Variants in CREB1 observed in about 807,000 individuals in gnomAD.
The protein encoded by CREB1 is cAMP responsive element binding protein 1, also known as cyclic AMP-responsive element-binding protein 1.
A neutral mutation model predicts 42.0 loss-of-function variants in CREB1; 2 were observed. The observed-to-expected ratio is 0.05, with a 90% CI of 0.02 to 0.15. The LOEUF is 0.15. Ranked by LOEUF, CREB1 falls within the 10% of genes least tolerant of loss-of-function variation. The pLI, the probability that CREB1 is intolerant of heterozygous loss-of-function variation, is 1.00. For synonymous variants in CREB1, 123 were observed against 139.9 expected, an observed-to-expected ratio of 0.88 and a Z score of 0.85; for missense variants, 199 against 388.9, an observed-to-expected ratio of 0.51 and a Z score of 4.11.
chr2:207,539,626 C>G (rs1158341424), intron 1 of CREB1, among the ~76,000 whole-genome samples: 1 of 152,124 alleles, frequency 6.6e-6, no homozygotes, highest in African/African-American at 2.4e-5. Flanking sequence ...CCTCAAGAAT[C>G]TTACGGTATA....
chr2:207,556,744 T>C (rs1180960496), intron 2 of CREB1, among the ~76,000 whole-genome samples: 1 of 152,180 alleles, frequency 6.6e-6, no homozygotes, highest in Non-Finnish European at 1.5e-5. Flanking sequence ...CGAGGCAGGC[T>C]GCAGGATTGA....
chr2:207,595,023 G>C (rs181259431), intron 7 of CREB1, among the ~76,000 whole-genome samples: 1 of 145,618 alleles, frequency 6.9e-6, no homozygotes, highest in East Asian at 2.0e-4. Context: ...CTGAGATGGA[G>C]GCTCGCTCTG....
In CREB1 at chr2:207,575,311, A is replaced by G. The variant is rs771765828; in HGVS notation, c.545A>G (p.Asn182Ser). The change falls in exon 6 of 8, where the codon AAT (asparagine) becomes AGT (serine). Residue 182 changes from asparagine (N) to serine (S), a missense_variant. Around this residue, in one of 4 missense-constraint regions of CREB1, gnomAD observed 66 missense variants for 88.1 expected, o/e 0.75. Transcript: ENST00000353267. ...TQGGAIQLAN[N>S]GTDGVQGLQT... ...GGAGGAGCAATACAGCTGGCTAACA[A>G]TGGTACCGATGGGGTACAGGGCCTG... The G allele has an allele frequency of 6.2e-6, 10 of 1,614,020 alleles. No homozygotes were observed. Among genetic ancestry groups the G allele is most frequent in the Admixed American group, 3.3e-5 (2 of 60,002 alleles).
At chr2:207,541,734 C>T (rs1455759547) in intron 1 of CREB1, among the ~76,000 whole-genome samples, 1 of 152,188 alleles carries the variant, frequency 6.6e-6, no homozygotes, top group African/African-American at 2.4e-5. Flanking sequence ...TTGGTGTGTA[C>T]AGTTCAGTGG....
chr2:207,547,765 T>C (rs2081349602), intron 1 of CREB1, among the ~76,000 whole-genome samples: 1 of 151,976 alleles, frequency 6.6e-6, no homozygotes, highest in Non-Finnish European at 1.5e-5. Flanking sequence ...TAGTCTTACC[T>C]GAAGGAAAAC....
chr2:207,581,865 C>T (rs1487698609), intron 7 of CREB1: 1 of 702,704 alleles, frequency 1.4e-6, no homozygotes, highest in African/African-American at 1.7e-5. Context: ...GTTTCCTTGT[C>T]TTTGATGGCC....
At chr2:207,573,250 A>C (rs552775490) in intron 5 of CREB1, among the ~76,000 whole-genome samples, 1 of 152,346 alleles carries the variant, frequency 6.6e-6, no homozygotes, top group African/African-American at 2.4e-5. Context: ...ATTGAAAGCT[A>C]TCTCAAATCT....
chr2:207,599,639 G>T lies in CREB1; in HGVS notation c.*2581G>T. ...GCTAAATCTGTCTTAGACCCTTGGT[G>T]AAACTTGAAGATTTCAGTTTATAAA... On this transcript the variant is annotated 3_prime_UTR_variant, in exon 8 of 8. Coordinates refer to ENST00000353267, the MANE Select transcript of CREB1 (RefSeq NM_004379.5). 5.0e-6 allele frequency: 1 copy of T among 200,098 alleles called. No individual in the cohort carries two copies. Among genetic ancestry groups the T allele is most frequent in the East Asian group, 7.7e-5 (1 of 12,948 alleles). The allele number at this position is 200,098 out of a possible 1,614,324, so 12.4% of individuals were successfully genotyped here.
chr2:207,558,397 C>G (rs548096838), intron 2 of CREB1, among the ~76,000 whole-genome samples: 1 of 152,334 alleles, frequency 6.6e-6, no homozygotes, highest in East Asian at 1.9e-4. Flanking sequence ...AATTCTCTTT[C>G]AGACATGAAA....
intron 4 of CREB1, among the ~76,000 whole-genome samples, 186 bp from the exon 5 acceptor site, chr2:207,569,993 G>A (rs2082293319): frequency 7.4e-6 from 1 of 135,644 alleles, no homozygotes; most frequent in Non-Finnish European, 1.5e-5. Context: ...AGTGAACCAA[G>A]ATCGCGCCAC....
intron 1 of CREB1, among the ~76,000 whole-genome samples, chr2:207,535,472 G>A (rs1189785293): frequency 6.6e-6 from 1 of 151,614 alleles, no homozygotes; most frequent in Non-Finnish European, 1.5e-5. Flanking sequence ...TACCCAGTAA[G>A]GCTGATTACT....
intron 1 of CREB1, among the ~76,000 whole-genome samples, chr2:207,545,691 A>G (rs1293638834): frequency 6.6e-6 from 1 of 151,966 alleles, no homozygotes; most frequent in Non-Finnish European, 1.5e-5. Context: ...AAGGTTAAGA[A>G]CAATTTCTCT....
In CREB1 at chr2:207,601,673, C is replaced by T. The variant is rs2087079340; in HGVS notation, c.*4615C>T. On this transcript the variant is annotated 3_prime_UTR_variant, in exon 8 of 8. Transcript: ENST00000353267. ...AGACTTTTTAAAGCAATTGTCCTCA[C>T]AGAGACCACATGTAATATACTGAAA... is the stretch of plus-strand genomic sequence containing the variant. 4.7e-6 allele frequency: 1 copy of T among 213,672 alleles called. No individual in the cohort carries two copies. The highest frequency in any genetic ancestry group is 1.9e-4 in the South Asian group (1 of 5,350). 13.2% of individuals were successfully genotyped at this position (213,672 alleles called of 1,614,324 possible). A position where few individuals can be genotyped will look rare whatever the true frequency, so the allele number is the denominator to read the frequency against.
Position 207,602,781 on chromosome 2 carries a change from T to A in CREB1, c.*5723T>A, listed in dbSNP as rs903919783. The A allele has an allele frequency of 1.9e-5, 4 of 209,520 alleles. No homozygotes were observed. The highest frequency in any genetic ancestry group is 3.9e-5 in the Non-Finnish European group (4 of 103,180). The allele number at this position is 209,520 out of a possible 1,614,324, so 13.0% of individuals were successfully genotyped here. A position where few individuals can be genotyped will look rare whatever the true frequency, so the allele number is the denominator to read the frequency against. ...TAAAAGTGGGAAATAATTGTCAACATTTTTTTTGAGTATAGATTTATTAGG... is the reference window on the plus strand; with the variant it reads ...TAAAAGTGGGAAATAATTGTCAACAATTTTTTTGAGTATAGATTTATTAGG... On this transcript the variant is annotated 3_prime_UTR_variant, in exon 8 of 8. Coordinates refer to ENST00000353267, the MANE Select transcript of CREB1 (RefSeq NM_004379.5).
At chr2:207,586,448 A>C (rs2083856094) in intron 7 of CREB1, among the ~76,000 whole-genome samples, 1 of 152,184 alleles carries the variant, frequency 6.6e-6, no homozygotes, top group South Asian at 2.1e-4. Flanking sequence ...ATAAGACCCC[A>C]AACTCTTAGA....
chr2:207,564,771 T>C (rs1284809967), intron 3 of CREB1, among the ~76,000 whole-genome samples: 2 of 152,160 alleles, frequency 1.3e-5, no homozygotes, highest in African/African-American at 2.4e-5. Context: ...CCTAAAACTT[T>C]ATATCTACAA....
intron 1 of CREB1, among the ~76,000 whole-genome samples, chr2:207,543,807 G>C (rs1009395190): frequency 5.3e-5 from 8 of 152,154 alleles, no homozygotes; most frequent in Admixed American, 2.0e-4. Flanking sequence ...GTTTCACCAT[G>C]TTGGTCAGGA....
chr2:207,594,398 C>T (rs1320891545), intron 7 of CREB1, among the ~76,000 whole-genome samples: 2 of 152,132 alleles, frequency 1.3e-5, no homozygotes, highest in Admixed American at 1.3e-4. Context: ...TTCCCCCAGC[C>T]CCTGGCAGCC....
rs932983099 is a variant in CREB1 at position 207,597,606 on chromosome 2, A to G, written c.*548A>G. 3.8e-5 allele frequency: 8 copies of G among 209,070 alleles called. No individual in the cohort carries two copies. The East Asian group carries it at 5.8e-4, about 15-fold the overall frequency. The allele number at this position is 209,070 out of a possible 1,614,324, so 13.0% of individuals were successfully genotyped here. On this transcript the variant is annotated 3_prime_UTR_variant, in exon 8 of 8. Coordinates refer to ENST00000353267, the MANE Select transcript of CREB1 (RefSeq NM_004379.5). ...AAAAAAGAACTTTAGCATGGTATTG[A>G]AGGAATTAGAAATGAATTTGGAGTG... is the stretch of plus-strand genomic sequence containing the variant.
Sources: gnomAD v4.1 joint callset for allele counts (sites outside exome capture counted in the v4.1 genomes callset) on GRCh38, gnomAD v4.1.1 for gene constraint, gnomAD v4.1.1 regional missense constraint, MANE v1.5 for transcripts, NCBI Gene and HGNC (gene_info 2026-07-23, HGNC 2026-07-21) for gene names.